Variants in TMEM131 observed in about 807,000 individuals in gnomAD.
The protein encoded by TMEM131 is transmembrane protein 131, also known as 2610524E03Rik.
TMEM131 carries 66 observed loss-of-function variants against 211.6 expected under a neutral mutation model. That is an observed-to-expected ratio of 0.31 (90% CI 0.26 to 0.38). The LOEUF (loss-of-function observed/expected upper bound fraction) is 0.38. TMEM131 is among the 10% of genes least tolerant of loss of function. The pLI, the probability that TMEM131 is intolerant of heterozygous loss-of-function variation, is 1.00. For missense variants in TMEM131, 2,036 were observed against 2,299.3 expected, an observed-to-expected ratio of 0.89 and a Z score of 2.34; for synonymous variants, 844 against 841.3, an observed-to-expected ratio of 1.00 and a Z score of -0.06.
At chr2:97,778,408 G>A (rs1679833489) in intron 31 of TMEM131, among the ~76,000 whole-genome samples, 1 of 152,108 alleles carries the variant, frequency 6.6e-6, no homozygotes, top group South Asian at 2.1e-4. Flanking sequence ...AAAATTAGCT[G>A]GGCATGGTGG....
intron 31 of TMEM131, among the ~76,000 whole-genome samples, chr2:97,787,612 C>CA (rs2104865374): frequency 6.6e-6 from 1 of 152,318 alleles, no homozygotes; most frequent in African/African-American, 2.4e-5. Context: ...AAAAAACTCT[C>CA]AAAGGTTTTT....
intron 36 of TMEM131, 82 bp downstream of exon 36, chr2:97,761,950 CGCT>C: frequency 7.1e-7 from 1 of 1,399,506 alleles, no homozygotes; most frequent in Non-Finnish European, 9.4e-7. Context: ...GGCCTGTGGC[CGCT>C]AAGTGTTTCC....
At position 97,766,550 on chromosome 2, in the gene TMEM131, G is replaced by A. The variant is rs1679177838; in HGVS notation, c.4501C>T (p.Leu1501Phe). The A allele has an allele frequency of 1.2e-6, 2 of 1,613,860 alleles. No individual in the cohort carries two copies. Among genetic ancestry groups the A allele is most frequent in the Admixed American group, 3.3e-5 (2 of 60,010 alleles). Residue 1501 changes from leucine to phenylalanine, a missense_variant, in exon 34 of 41, where the codon CTC becomes TTC. Leu to Phe is a conservative substitution (Grantham distance 22). Around this residue, in one of 3 missense-constraint regions of TMEM131, gnomAD observed 1,623 missense variants for 1,805.9 expected, o/e 0.90. Coordinates refer to ENST00000186436, the MANE Select transcript of TMEM131 (RefSeq NM_015348.2). ...GTTGGAAGAGGAATCTTGCTTGGGA[G>A]ATTTCTACGTTGCTTACTTTCCAAA... ...PPLESKQRRN[L>F]PSKIPLPTAM...
At chr2:97,880,384 T>A (rs1674877252) in intron 4 of TMEM131, among the ~76,000 whole-genome samples, 1 of 152,202 alleles carries the variant, frequency 6.6e-6, no homozygotes, top group African/African-American at 2.4e-5. Context: ...GAAAAACATT[T>A]CCCTGTTGAC....
intron 3 of TMEM131, among the ~76,000 whole-genome samples, chr2:97,903,028 C>T (rs1273046640): frequency 6.6e-6 from 1 of 152,134 alleles, no homozygotes; most frequent in Non-Finnish European, 1.5e-5. Context: ...TATATTTATC[C>T]TAACAGTTCT....
chr2:97,974,698 A>G (rs559422310), intron 1 of TMEM131, among the ~76,000 whole-genome samples: 1 of 152,166 alleles, frequency 6.6e-6, no homozygotes, highest in South Asian at 2.1e-4. Flanking sequence ...GTATCTCTTT[A>G]AAGACTAAAA....
chr2:97,762,130 G>A lies in TMEM131; in HGVS notation c.4794C>T (p.Thr1598=), dbSNP rs1201519766. 1.9e-6 allele frequency: 3 copies of A among 1,613,858 alleles called. No individual in the cohort carries two copies. The highest frequency in any genetic ancestry group is 1.1e-5 in the South Asian group (1 of 91,080). ...NADIFLKQRQ[T]SPTPASPSPP... is the part of the protein sequence containing the mutation. Reference sequence around the variant, plus strand: ...GAGACGGGGAAGCAGGTGTCGGTGAGGTCTGGCGTTGTTTTAAGAAAATGT... The same window carrying A: ...GAGACGGGGAAGCAGGTGTCGGTGAAGTCTGGCGTTGTTTTAAGAAAATGT... Residue 1598 remains threonine (T), a synonymous_variant, in exon 36 of 41, where the codon ACC becomes ACT. Coordinates refer to ENST00000186436, the MANE Select transcript of TMEM131 (RefSeq NM_015348.2).
chr2:97,960,384 T>C (rs1018497584), intron 1 of TMEM131, among the ~76,000 whole-genome samples: 1 of 152,202 alleles, frequency 6.6e-6, no homozygotes, highest in Non-Finnish European at 1.5e-5. Context: ...TATGGACTCA[T>C]ATTTTCTTCC....
chr2:97,950,897 T>C (rs1678281187), intron 1 of TMEM131, among the ~76,000 whole-genome samples: 1 of 152,186 alleles, frequency 6.6e-6, no homozygotes, highest in South Asian at 2.1e-4. Flanking sequence ...TTCCAGGTAC[T>C]AATATCCTTT....
At chr2:97,788,232 C>T (rs1356454747) in intron 31 of TMEM131, among the ~76,000 whole-genome samples, 1 of 152,180 alleles carries the variant, frequency 6.6e-6, no homozygotes, top group Non-Finnish European at 1.5e-5. Flanking sequence ...GAGGCAGTGC[C>T]TCAGTGGCCC....
At chr2:97,833,654 CT>C (rs11341582) in intron 10 of TMEM131, among the ~76,000 whole-genome samples, 103,139 of 143,800 alleles carry the variant, frequency 0.72, 37,839 homozygotes, top group Non-Finnish European at 0.77. Context: ...AAAATATATA[CT>C]TTTTTTTTTT....
At chr2:97,758,550 C>G (rs950409490) in intron 40 of TMEM131, among the ~76,000 whole-genome samples, 4 of 152,224 alleles carry the variant, frequency 2.6e-5, no homozygotes, top group Admixed American at 2.0e-4. Context: ...CCTCAACCAT[C>G]TGAACCTGCC....
Position 97,818,705 on chromosome 2 carries a change from G to C in TMEM131, c.1091C>G (p.Pro364Arg). The change falls in exon 12 of 41, where the codon CCA becomes CGA. Residue 364 changes from proline to arginine, a missense_variant. Physicochemically the swap from Pro to Arg is moderately radical, Grantham distance 103. This residue lies in a region of TMEM131 where 277 missense variants were observed against 378.0 expected (regional missense o/e 0.73). Coordinates refer to ENST00000186436, the MANE Select transcript of TMEM131 (RefSeq NM_015348.2). Reference sequence around the variant, plus strand: ...GTGTACCGTTATAGCATCATTTTGTGGTGTAGGTCGAACACTCTGCAAAGA... The same window carrying C: ...GTGTACCGTTATAGCATCATTTTGTCGTGTAGGTCGAACACTCTGCAAAGA... ...DVPITSVRPTPQNDAITVHFK... is the reference protein window; with the variant it reads ...DVPITSVRPTRQNDAITVHFK... 6.2e-7 allele frequency: 1 copy of C among 1,602,602 alleles called. No individual in the cohort carries two copies. The highest frequency in any genetic ancestry group is 8.5e-7 in the Non-Finnish European group (1 of 1,173,114).
intron 1 of TMEM131, among the ~76,000 whole-genome samples, chr2:97,968,842 G>A (rs908364104): frequency 2.0e-5 from 3 of 152,096 alleles, no homozygotes; most frequent in African/African-American, 7.2e-5. Context: ...CAGCACCTTG[G>A]GAGGCCAAAG....
chr2:97,889,316 G>A (rs964360089), intron 3 of TMEM131, among the ~76,000 whole-genome samples: 9 of 152,002 alleles, frequency 5.9e-5, no homozygotes, highest in African/African-American at 9.7e-5. Context: ...TAAAGACACC[G>A]GGACATGAAG....
chr2:97,835,519 C>T (rs547335072), intron 8 of TMEM131, among the ~76,000 whole-genome samples: 1 of 152,304 alleles, frequency 6.6e-6, no homozygotes, highest in East Asian at 1.9e-4. Context: ...GGAAGACTTA[C>T]TGGAAAAAAA....
intron 5 of TMEM131, among the ~76,000 whole-genome samples, chr2:97,851,912 T>A (rs956249756): frequency 9.9e-5 from 15 of 152,150 alleles, no homozygotes; most frequent in Admixed American, 9.2e-4. Flanking sequence ...GGGTTGCACA[T>A]CTCTCACTTT....
intron 31 of TMEM131, among the ~76,000 whole-genome samples, chr2:97,785,521 G>A (rs1357749871): frequency 6.6e-6 from 1 of 152,196 alleles, no homozygotes; most frequent in Non-Finnish European, 1.5e-5. Context: ...AAATGAAGAT[G>A]CTGCTGAGGA....
At chr2:97,907,644 A>C (rs1263621643) in intron 3 of TMEM131, among the ~76,000 whole-genome samples, 1 of 152,194 alleles carries the variant, frequency 6.6e-6, no homozygotes, top group Non-Finnish European at 1.5e-5. Context: ...ATTTCAGTGG[A>C]TAGTAATAAT....
Sources: gnomAD v4.1 joint callset for allele counts (sites outside exome capture counted in the v4.1 genomes callset) on GRCh38, gnomAD v4.1.1 for gene constraint, gnomAD v4.1.1 regional missense constraint, MANE v1.5 for transcripts, NCBI Gene and HGNC (gene_info 2026-07-23, HGNC 2026-07-21) for gene names.